Variants in COMMD1 observed in about 807,000 individuals in gnomAD.
COMMD1 encodes copper metabolism domain containing 1.
COMMD1 carries 10 observed loss-of-function variants against 17.2 expected under a neutral mutation model. The ratio of observed to expected loss-of-function variants is 0.58; its 90% CI spans 0.36 to 0.99. The LOEUF is 0.99. Ranked by LOEUF, COMMD1 falls within the 50% of genes least tolerant of loss-of-function variation. The probability of loss-of-function intolerance (pLI) is 0.01; values close to 1 mark genes in which losing one functional copy is unlikely to be tolerated. For synonymous variants in COMMD1, 97 were observed against 91.6 expected, an observed-to-expected ratio of 1.06 and a Z score of -0.34; for missense variants, 270 against 231.8, an observed-to-expected ratio of 1.17 and a Z score of -1.07.
chr2:62,002,910 T>TAC (rs1668993646), intron 2 of COMMD1, among the ~76,000 whole-genome samples: 1 of 152,054 alleles, frequency 6.6e-6, no homozygotes, highest in African/African-American at 2.4e-5. Flanking sequence ...GTGCTACTTG[T>TAC]ACTTGTTGAC....
chr2:62,087,932 C>A (rs1671714281), intron 2 of COMMD1, among the ~76,000 whole-genome samples: 1 of 152,178 alleles, frequency 6.6e-6, no homozygotes, highest in African/African-American at 2.4e-5. Flanking sequence ...TTTTTCACTT[C>A]CATTTACTCC....
chr2:62,015,419 A>G (rs1459303446), intron 2 of COMMD1, among the ~76,000 whole-genome samples: 1 of 152,164 alleles, frequency 6.6e-6, no homozygotes, highest in African/African-American at 2.4e-5. Flanking sequence ...TTATCCATTT[A>G]TCTGTTGATG....
chr2:61,961,074 AGCCCCAC>A (rs1215656001), intron 1 of COMMD1, among the ~76,000 whole-genome samples: 1 of 152,190 alleles, frequency 6.6e-6, no homozygotes, highest in East Asian at 1.9e-4. Flanking sequence ...GGGGAAAGGG[AGCCCCAC>A]GTTGGAGCAC....
At chr2:61,892,178 A>G (rs1163611434) in intron 1 of COMMD1, among the ~76,000 whole-genome samples, 3 of 151,932 alleles carry the variant, frequency 2.0e-5, no homozygotes, top group Non-Finnish European at 4.4e-5. Flanking sequence ...ACAAAACCAA[A>G]CAAACAAAAA....
intron 1 of COMMD1, among the ~76,000 whole-genome samples, chr2:61,958,022 G>A (rs1343595194): frequency 6.6e-6 from 1 of 152,126 alleles, no homozygotes; most frequent in East Asian, 1.9e-4. Context: ...TTTTGAAAAC[G>A]GATGAAATGA....
intron 2 of COMMD1, among the ~76,000 whole-genome samples, chr2:62,072,620 G>C (rs1671228066): frequency 6.6e-6 from 1 of 152,232 alleles, no homozygotes; most frequent in Non-Finnish European, 1.5e-5. Flanking sequence ...AGCTCACCAA[G>C]CTGCAGGCAG....
At chr2:61,991,060 C>T (rs1487546001) in intron 1 of COMMD1, among the ~76,000 whole-genome samples, 2 of 151,570 alleles carry the variant, frequency 1.3e-5, no homozygotes, top group African/African-American at 2.4e-5. Flanking sequence ...CACTGCACTC[C>T]AGCTGGGTGA....
At chr2:61,956,048 A>C (rs1671191038) in intron 1 of COMMD1, among the ~76,000 whole-genome samples, 1 of 152,210 alleles carries the variant, frequency 6.6e-6, no homozygotes, top group African/African-American at 2.4e-5. Context: ...TATATGTAGC[A>C]CATAAACAGA....
At chr2:62,082,150 A>G (rs969940735) in intron 2 of COMMD1, among the ~76,000 whole-genome samples, 2 of 152,200 alleles carry the variant, frequency 1.3e-5, no homozygotes, top group Non-Finnish European at 2.9e-5. Context: ...CTGAAAAGTG[A>G]CCAAATTACA....
At chr2:62,023,593 C>T (rs1669672199) in intron 2 of COMMD1, among the ~76,000 whole-genome samples, 3 of 152,070 alleles carry the variant, frequency 2.0e-5, no homozygotes, top group Admixed American at 6.6e-5. Context: ...AAGCGATTCT[C>T]CTGCCTCAGC....
chr2:62,081,787 CT>C (rs1481418830), intron 2 of COMMD1, among the ~76,000 whole-genome samples: 27 of 151,968 alleles, frequency 1.8e-4, no homozygotes, highest in Admixed American at 1.3e-3. Context: ...TAGTTGATTG[CT>C]TTTTTTACTT....
chr2:61,937,385 C>G (rs998636570), intron 1 of COMMD1, among the ~76,000 whole-genome samples: 7 of 152,274 alleles, frequency 4.6e-5, no homozygotes, highest in African/African-American at 1.7e-4. Flanking sequence ...TCAGTGGCCA[C>G]CAGATTTTAA....
intron 2 of COMMD1, among the ~76,000 whole-genome samples, chr2:62,114,530 A>T (rs1362315615): frequency 6.6e-6 from 1 of 152,222 alleles, no homozygotes; most frequent in Admixed American, 6.5e-5. Context: ...GCTTGATTTG[A>T]GTACTCTCCT....
intron 2 of COMMD1, among the ~76,000 whole-genome samples, chr2:62,110,397 G>A (rs1266795474): frequency 3.9e-5 from 6 of 152,164 alleles, no homozygotes; most frequent in African/African-American, 1.4e-4. Context: ...ATTTAAAGCT[G>A]AATCCCCATT....
At position 61,956,771 on chromosome 2, in the gene COMMD1, C is replaced by G. The variant is rs551726257; in HGVS notation, c.181-43930C>G. On this transcript the variant is annotated intron_variant, in intron 1 of 2. Coordinates refer to ENST00000311832, the MANE Select transcript of COMMD1 (RefSeq NM_152516.4). The stretch of plus-strand genomic sequence containing the variant: ...TTTTGTTTGTTTGTTTTGTTTTTTG[C>G]GATGGGGTCTCGCTCTGTCGCCAGG... Among the ~76,000 whole-genome samples the G allele has an allele frequency of 6.1e-5, 9 of 148,180 alleles. No individual in the cohort carries two copies. The South Asian group carries it at 6.5e-4, about 11-fold the overall frequency.
chr2:61,923,260 A>T (rs1670242216), intron 1 of COMMD1, among the ~76,000 whole-genome samples: 1 of 152,116 alleles, frequency 6.6e-6, no homozygotes, highest in African/African-American at 2.4e-5. Flanking sequence ...AGGTGGGTAA[A>T]CTAAATGATG....
At chr2:62,078,851 T>A (rs1671434214) in intron 2 of COMMD1, among the ~76,000 whole-genome samples, 1 of 148,992 alleles carries the variant, frequency 6.7e-6, no homozygotes, top group Non-Finnish European at 1.5e-5. Context: ...CACTCCAGCC[T>A]GGGCAACAGA....
At chr2:62,067,038 G>A (rs1180980425) in intron 2 of COMMD1, among the ~76,000 whole-genome samples, 1 of 151,992 alleles carries the variant, frequency 6.6e-6, no homozygotes, top group Non-Finnish European at 1.5e-5. Context: ...AATCTATATA[G>A]ATTGATGGGC....
chr2:61,975,118 CTTTTTTTTTTTT>C, intron 1 of COMMD1, among the ~76,000 whole-genome samples: 4 of 80,166 alleles, frequency 5.0e-5, no homozygotes, highest in African/African-American at 9.1e-5. Context: ...TCATTTCTTT[CTTTTTTTTTTTT>C]TTTTTTTTTT....
Sources: gnomAD v4.1 joint callset for allele counts (sites outside exome capture counted in the v4.1 genomes callset) on GRCh38, gnomAD v4.1.1 for gene constraint, MANE v1.5 for transcripts, NCBI Gene and HGNC (gene_info 2026-07-23, HGNC 2026-07-21) for gene names.